Variants in PID1 observed in about 807,000 individuals in gnomAD.
PID1 encodes the protein phosphotyrosine interaction domain containing 1, also known as PTB-containing, cubilin and LRP1-interacting protein.
In PID1, 10 loss-of-function variants were observed where a neutral mutation model predicts 19.1. That is an observed-to-expected ratio of 0.52 (90% CI 0.32 to 0.89). The LOEUF (loss-of-function observed/expected upper bound fraction) is 0.89. PID1 is among the 40% of genes least tolerant of loss of function. PID1 has a pLI of 0.03. For synonymous variants in PID1, 130 were observed against 116.0 expected (o/e 1.12, Z -0.78); for missense variants, 248 against 285.3 (o/e 0.87, Z 0.94).
At chr2:229,073,501 T>G (rs1694499307) in intron 2 of PID1, among the ~76,000 whole-genome samples, 1 of 152,208 alleles carries the variant, frequency 6.6e-6, no homozygotes, top group South Asian at 2.1e-4. Flanking sequence ...AAAACATCTC[T>G]TCTCACACAA....
At chr2:229,249,544 A>G (rs1690093226) in intron 1 of PID1, among the ~76,000 whole-genome samples, 1 of 152,242 alleles carries the variant, frequency 6.6e-6, no homozygotes. Flanking sequence ...GGGGCACACA[A>G]AGATGAACAA....
intron 1 of PID1, among the ~76,000 whole-genome samples, chr2:229,199,364 A>G (rs1691443372): frequency 1.3e-5 from 2 of 151,964 alleles, no homozygotes; most frequent in Non-Finnish European, 2.9e-5. Flanking sequence ...TATTTATTGT[A>G]TGCCTTCCAC....
chr2:229,144,244 C>T (rs1199207270), intron 2 of PID1, among the ~76,000 whole-genome samples: 1 of 152,086 alleles, frequency 6.6e-6, no homozygotes, highest in East Asian at 1.9e-4. Context: ...AGAGGAGCAT[C>T]CAACACAGCA....
intron 1 of PID1, among the ~76,000 whole-genome samples, chr2:229,196,782 T>G (rs953107671): frequency 1.3e-5 from 2 of 152,082 alleles, no homozygotes; most frequent in African/African-American, 4.8e-5. Context: ...TCCATAATAC[T>G]GGAACTAATA....
intron 2 of PID1, among the ~76,000 whole-genome samples, chr2:229,120,852 T>C (rs1266180607): frequency 6.6e-6 from 1 of 151,974 alleles, no homozygotes; most frequent in East Asian, 1.9e-4. Context: ...TGAGACTAGA[T>C]TACTTCTCAC....
At chr2:229,182,860 G>A (rs1362454945) in intron 1 of PID1, among the ~76,000 whole-genome samples, 2 of 152,198 alleles carry the variant, frequency 1.3e-5, no homozygotes, top group African/African-American at 2.4e-5. Context: ...CCCCAAGTGG[G>A]CAGTTCAGGC....
At chr2:229,102,580 T>C (rs958092962) in intron 2 of PID1, among the ~76,000 whole-genome samples, 18 of 152,212 alleles carry the variant, frequency 1.2e-4, no homozygotes, top group Non-Finnish European at 2.1e-4. Context: ...CACCAGAAGC[T>C]GGTCTGCATC....
chr2:229,061,178 C>T (rs1694205444), intron 2 of PID1, among the ~76,000 whole-genome samples: 1 of 151,996 alleles, frequency 6.6e-6, no homozygotes, highest in Non-Finnish European at 1.5e-5. Context: ...AAATCTTTGC[C>T]CAGACAAATG....
intron 2 of PID1, among the ~76,000 whole-genome samples, chr2:229,089,589 A>G (rs1271317809): frequency 6.6e-6 from 1 of 152,172 alleles, no homozygotes; most frequent in Non-Finnish European, 1.5e-5. Context: ...CGCAGATTTC[A>G]TTTTATGAAA....
At chr2:229,270,667 A>T (rs1401999951) in intron 1 of PID1, among the ~76,000 whole-genome samples, 1 of 118,512 alleles carries the variant, frequency 8.4e-6, no homozygotes, top group Non-Finnish European at 1.8e-5. Flanking sequence ...AAAAAAAAAA[A>T]ATCTGGCTTC....
chr2:229,247,607 G>A (rs141703683), intron 1 of PID1, among the ~76,000 whole-genome samples: 10 of 152,284 alleles, frequency 6.6e-5, no homozygotes, highest in Admixed American at 1.3e-4. Flanking sequence ...TTTACAGCTC[G>A]AGGGAATTCA....
At chr2:229,084,538 C>G (rs1574615809) in intron 2 of PID1, among the ~76,000 whole-genome samples, 1 of 152,300 alleles carries the variant, frequency 6.6e-6, no homozygotes, top group Non-Finnish European at 1.5e-5. Context: ...ACTGTCTCAT[C>G]CCATCCTGCC....
chr2:229,042,896 G>GA (rs1218682996), intron 2 of PID1, among the ~76,000 whole-genome samples: 22 of 151,150 alleles, frequency 1.5e-4, no homozygotes, highest in East Asian at 1.4e-3. Flanking sequence ...TTATTACATT[G>GA]AAAAAAATCC....
intron 1 of PID1, among the ~76,000 whole-genome samples, chr2:229,233,984 G>C (rs1002883318): frequency 6.6e-6 from 1 of 152,178 alleles, no homozygotes; most frequent in South Asian, 2.1e-4. Flanking sequence ...AGGCTAAGAC[G>C]TACAGAAAAT....
In PID1 at chr2:229,113,601, T is replaced by TGTGC. The variant is rs570348872; in HGVS notation, c.177+42216_177+42217insGCAC. Among the ~76,000 whole-genome samples the TGTGC allele has an allele frequency of 5.1e-4, 75 of 146,164 alleles. No homozygotes were observed. The South Asian group carries it at 0.01, about 20-fold the overall frequency. On this transcript the variant is annotated intron_variant, in intron 2 of 2. Coordinates refer to ENST00000392055, the MANE Select transcript of PID1 (RefSeq NM_001100818.2). ...GTGTATGTGTGTATGCATATATGTG[T>TGTGC]GTGTGTGTGTGTGTGTGTGTGTATA...
intron 1 of PID1, among the ~76,000 whole-genome samples, chr2:229,163,325 T>A (rs1174063028): frequency 6.6e-6 from 1 of 152,180 alleles, no homozygotes; most frequent in Non-Finnish European, 1.5e-5. Context: ...TTACAATTCA[T>A]CCTAGTCACT....
rs1212516661 is a variant in PID1 at position 229,155,572 on chromosome 2, C to CAA, written c.177+244_177+245dup. On this transcript the variant is annotated intron_variant, in intron 2 of 2. Coordinates refer to ENST00000392055, the MANE Select transcript of PID1 (RefSeq NM_001100818.2). ...TGGGCGACAGAGCGAGACTCCGTCT[C>CAA]AAAAAAAAACAAAAACAAAAAAACC... Among the ~76,000 whole-genome samples the CAA allele has an allele frequency of 8.9e-4, 88 of 98,922 alleles. 2 individuals carry two copies. The highest frequency in any genetic ancestry group is 1.3e-3 in the Non-Finnish European group (53 of 40,454). The allele number at this position is 98,922 out of a possible 152,430, so 64.9% of individuals were successfully genotyped here. A position where few individuals can be genotyped will look rare whatever the true frequency, so the allele number is the denominator to read the frequency against.
chr2:229,209,960 G>A (rs1302839183), intron 1 of PID1, among the ~76,000 whole-genome samples: 2 of 152,074 alleles, frequency 1.3e-5, no homozygotes, highest in African/African-American at 2.4e-5. Flanking sequence ...CAAGGAAAAT[G>A]AACATACATG....
intron 1 of PID1, among the ~76,000 whole-genome samples, chr2:229,159,484 T>C (rs948659853): frequency 1.3e-5 from 2 of 152,218 alleles, no homozygotes; most frequent in Non-Finnish European, 1.5e-5. Context: ...CAGACTTCCC[T>C]GAAGAAGAAA....
Sources: allele counts gnomAD v4.1 joint callset (sites outside exome capture counted in the v4.1 genomes callset), GRCh38; gene constraint gnomAD v4.1.1; transcripts MANE v1.5; gene names NCBI Gene and HGNC (gene_info 2026-07-23, HGNC 2026-07-21).